LIN28B: variants seen among roughly 807,000 people sequenced by gnomAD.
LIN28B encodes the protein lin-28 RNA binding posttranscriptional regulator B.
In LIN28B, 5 loss-of-function variants were observed where a neutral mutation model predicts 21.9. The observed-to-expected ratio is 0.23, with a 90% confidence interval of 0.12 to 0.48. LIN28B has a LOEUF of 0.48. Ranked by LOEUF, LIN28B falls within the 20% of genes least tolerant of loss-of-function variation. The probability of loss-of-function intolerance (pLI) is 0.98; values close to 1 mark genes in which losing one functional copy is unlikely to be tolerated. For missense variants in LIN28B, 245 were observed against 310.5 expected, an observed-to-expected ratio of 0.79 and a Z score of 1.58; for synonymous variants, 109 against 111.3, an observed-to-expected ratio of 0.98 and a Z score of 0.13.
intron 2 of LIN28B, among the ~76,000 whole-genome samples, chr6:105,002,804 T>C (rs1395830431): frequency 2.0e-5 from 3 of 152,216 alleles, no homozygotes; most frequent in Admixed American, 2.0e-4. Flanking sequence ...ACAGTGAGAA[T>C]AGATTTGCAA....
chr6:105,059,355 T>C (rs934209610), intron 3 of LIN28B, among the ~76,000 whole-genome samples: 8 of 152,182 alleles, frequency 5.3e-5, no homozygotes, highest in African/African-American at 1.9e-4. Context: ...AAGCTTTGGC[T>C]GCAGTTCTTG....
intron 3 of LIN28B, among the ~76,000 whole-genome samples, chr6:105,031,964 TCTGACCTATTCTCTTTCA>T (rs1771434483): frequency 6.6e-6 from 1 of 152,198 alleles, no homozygotes; most frequent in South Asian, 2.1e-4. Context: ...CCTGGCAGCC[TCTGACCTATTCTCTTTCA>T]CTGTAGTTTT....
chr6:104,995,525 C>T (rs1442228612), intron 2 of LIN28B, among the ~76,000 whole-genome samples: 1 of 152,016 alleles, frequency 6.6e-6, no homozygotes, highest in African/African-American at 2.4e-5. Context: ...GAACTCAAGT[C>T]TAGGTTCTAG....
At chr6:105,024,081 C>T (rs1771235165) in intron 2 of LIN28B, among the ~76,000 whole-genome samples, 1 of 152,052 alleles carries the variant, frequency 6.6e-6, no homozygotes, top group Non-Finnish European at 1.5e-5. Flanking sequence ...CTCCGCCTCC[C>T]AGGTTCAACT....
intron 3 of LIN28B, among the ~76,000 whole-genome samples, chr6:105,047,656 A>G (rs1217244150): frequency 6.6e-6 from 1 of 152,138 alleles, no homozygotes; most frequent in East Asian, 1.9e-4. Flanking sequence ...ATGAGCATGG[A>G]ATGTTCTTCC....
chr6:105,076,632 G>A (rs1772429370), intron 3 of LIN28B, among the ~76,000 whole-genome samples: 1 of 151,928 alleles, frequency 6.6e-6, no homozygotes, highest in Non-Finnish European at 1.5e-5. Context: ...TGTTGGAGAT[G>A]GAGTCTCACT....
chr6:105,003,887 G>T (rs893050590), intron 2 of LIN28B, among the ~76,000 whole-genome samples: 1 of 152,096 alleles, frequency 6.6e-6, no homozygotes, highest in African/African-American at 2.4e-5. Context: ...TGATATATTT[G>T]TCAGGGTTCT....
intron 2 of LIN28B, among the ~76,000 whole-genome samples, chr6:104,987,448 G>T (rs904153777): frequency 6.6e-6 from 1 of 151,998 alleles, no homozygotes; most frequent in Non-Finnish European, 1.5e-5. Context: ...GGCTCAGTGG[G>T]TCCTGCCGCC....
intron 3 of LIN28B, among the ~76,000 whole-genome samples, chr6:105,046,774 T>TG (rs1771774958): frequency 6.6e-6 from 1 of 152,238 alleles, no homozygotes; most frequent in Non-Finnish European, 1.5e-5. Context: ...CCAGTGATGA[T>TG]GAGCGTTTTT....
At chr6:105,044,934 A>C (rs950836218) in intron 3 of LIN28B, among the ~76,000 whole-genome samples, 1 of 152,192 alleles carries the variant, frequency 6.6e-6, no homozygotes, top group African/African-American at 2.4e-5. Flanking sequence ...TGGCAAGCTG[A>C]GATGGGAGGA....
chr6:104,982,313 C>CAA (rs146674332), intron 2 of LIN28B, among the ~76,000 whole-genome samples: 34 of 125,684 alleles, frequency 2.7e-4, no homozygotes, highest in East Asian at 6.8e-4. Context: ...GACTTCATCT[C>CAA]AAAAAAAAAA....
intron 3 of LIN28B, among the ~76,000 whole-genome samples, chr6:105,056,965 A>G (rs1486812401): frequency 6.6e-6 from 1 of 152,206 alleles, no homozygotes; most frequent in African/African-American, 2.4e-5. Context: ...TCCAGTGACA[A>G]TAAACAGTTG....
chr6:104,953,819 A>T (rs1232389047), upstream of LIN28B, among the ~76,000 whole-genome samples: 1 of 152,150 alleles, frequency 6.6e-6, no homozygotes, highest in Non-Finnish European at 1.5e-5. Context: ...GGACGGGTGG[A>T]GTCACTTGCC....
intron 2 of LIN28B, among the ~76,000 whole-genome samples, chr6:105,009,304 A>T (rs1770877194): frequency 6.6e-6 from 1 of 152,202 alleles, no homozygotes; most frequent in Admixed American, 6.5e-5. Flanking sequence ...ATACTTTAAA[A>T]ATATATTTAA....
rs942768423 is a variant in LIN28B at position 105,082,722 on chromosome 6, G to T, written c.*3939G>T. 1.3e-5 allele frequency: 2 copies of T among 152,626 alleles called. No individual in the cohort carries two copies. The highest frequency in any genetic ancestry group is 2.9e-5 in the Non-Finnish European group (2 of 68,048). The allele number at this position is 152,626 out of a possible 1,614,324, so 9.5% of individuals were successfully genotyped here. ...TGTGTCTTAATTGTTCAGTTAGAGT[G>T]AGAAGTTGACCTATGATTCATTTTT... On this transcript the variant is annotated 3_prime_UTR_variant, in exon 4 of 4. Coordinates refer to ENST00000345080, the MANE Select transcript of LIN28B (RefSeq NM_001004317.4).
At chr6:104,953,482 G>A (rs969114891), upstream of LIN28B, among the ~76,000 whole-genome samples, 8 of 152,216 alleles carry the variant, frequency 5.3e-5, no homozygotes, top group Non-Finnish European at 1.2e-4. Flanking sequence ...TTTTGCCATA[G>A]TAGTGAAGGC....
At chr6:105,013,137 G>A (rs544365180) in intron 2 of LIN28B, among the ~76,000 whole-genome samples, 78 of 151,898 alleles carry the variant, frequency 5.1e-4, no homozygotes, top group African/African-American at 1.9e-3. Context: ...TCAGCCTCCC[G>A]AGTAGCTGGG....
At chr6:104,975,800 G>C (rs1180573683) in intron 2 of LIN28B, among the ~76,000 whole-genome samples, 1 of 151,422 alleles carries the variant, frequency 6.6e-6, no homozygotes, top group Non-Finnish European at 1.5e-5. Context: ...GACTACAGGT[G>C]CGTGCCACCA....
chr6:104,945,560 G>A (rs1163850823), intron 2 of LIN28B, among the ~76,000 whole-genome samples: 1 of 151,988 alleles, frequency 6.6e-6, no homozygotes, highest in Non-Finnish European at 1.5e-5. Flanking sequence ...GTTATGGTGG[G>A]CCTTCAAAGT....
Sources: allele counts gnomAD v4.1 joint callset (sites outside exome capture counted in the v4.1 genomes callset), GRCh38; gene constraint gnomAD v4.1.1; transcripts MANE v1.5; gene names NCBI Gene and HGNC (gene_info 2026-07-23, HGNC 2026-07-21).